Variants in ATP2A2 observed in about 807,000 individuals in gnomAD.
The protein encoded by ATP2A2 is sarcoplasmic/endoplasmic reticulum calcium ATPase 2.
ATP2A2 carries 14 observed loss-of-function variants against 109.3 expected under a neutral mutation model. The ratio of observed to expected loss-of-function variants is 0.13; its 90% CI spans 0.08 to 0.20. ATP2A2 has a LOEUF of 0.20. ATP2A2 is among the 10% of genes least tolerant of loss of function. The probability of loss-of-function intolerance (pLI) is 1.00; values close to 1 mark genes in which losing one functional copy is unlikely to be tolerated. For missense variants in ATP2A2, 657 were observed against 1,321.6 expected (o/e 0.50, Z 7.80); for synonymous variants, 506 against 490.9 (o/e 1.03, Z -0.41).
At chr12:110,291,708 C>T (rs1592795386) in intron 3 of ATP2A2, among the ~76,000 whole-genome samples, 1 of 138,944 alleles carries the variant, frequency 7.2e-6, no homozygotes, top group Non-Finnish European at 1.5e-5. Flanking sequence ...GCATGCAGTA[C>T]ACTCACGGCT....
chr12:110,294,449 C>G (rs888213210), intron 4 of ATP2A2, among the ~76,000 whole-genome samples: 9 of 152,046 alleles, frequency 5.9e-5, no homozygotes, highest in African/African-American at 1.9e-4. Context: ...CAGTTAAGGT[C>G]AGGAGGTCGA....
intron 5 of ATP2A2, among the ~76,000 whole-genome samples, chr12:110,309,445 A>G (rs1376739293): frequency 6.6e-6 from 1 of 152,000 alleles, no homozygotes; most frequent in Admixed American, 6.6e-5. Flanking sequence ...GGTGTGAGCC[A>G]CCATGCCCAG....
At position 110,349,316 on chromosome 12, in the gene ATP2A2, T is replaced by C. The variant is rs925600891; in HGVS notation, c.*2846T>C. ...CTGCCCAGCCCCGCAATGTGCCTGCTGTCAGGCAGCTCTTGCCTGAAACTT... is the reference window on the plus strand; with the variant it reads ...CTGCCCAGCCCCGCAATGTGCCTGCCGTCAGGCAGCTCTTGCCTGAAACTT... On this transcript the variant is annotated 3_prime_UTR_variant, in exon 20 of 20. Transcript: ENST00000539276. 8 of 985,338 alleles carry C rather than the reference T, an allele frequency of 8.1e-6. No homozygotes were observed. In the African/African-American group the frequency reaches 1.2e-4, roughly 15 times the overall value. The allele number at this position is 985,338 out of a possible 1,614,324, so 61.0% of individuals were successfully genotyped here.
intron 3 of ATP2A2, among the ~76,000 whole-genome samples, chr12:110,284,185 C>T (rs1271619201): frequency 6.6e-6 from 1 of 152,040 alleles, no homozygotes; most frequent in Non-Finnish European, 1.5e-5. Context: ...AAAAATTTTC[C>T]CCCAGAAAAT....
intron 3 of ATP2A2, among the ~76,000 whole-genome samples, chr12:110,288,151 A>G (rs1872858233): frequency 8.0e-6 from 1 of 124,742 alleles, no homozygotes; most frequent in Non-Finnish European, 1.6e-5. Flanking sequence ...TCTGTCACCT[A>G]GGCTGGAATG....
At chr12:110,330,478 A>G (rs1175108284) in intron 8 of ATP2A2, 1 of 152,244 alleles carries the variant, frequency 6.6e-6, no homozygotes. Flanking sequence ...TGGTTGTTTC[A>G]GGAAGAGAAA....
At chr12:110,298,330 A>G (rs1187504528) in intron 5 of ATP2A2, among the ~76,000 whole-genome samples, 1 of 152,230 alleles carries the variant, frequency 6.6e-6, no homozygotes, top group African/African-American at 2.4e-5. Flanking sequence ...GTTTGTGTGT[A>G]AATGGTGTGT....
intron 5 of ATP2A2, among the ~76,000 whole-genome samples, chr12:110,300,768 G>A (rs192556142): frequency 6.6e-6 from 1 of 151,708 alleles, no homozygotes; most frequent in African/African-American, 2.4e-5. Context: ...TGTAATTACA[G>A]GTGTGAGCCA....
intron 10 of ATP2A2, 49 bp from the exon 11 acceptor site, chr12:110,333,963 C>G (rs1386604841): frequency 6.2e-7 from 1 of 1,612,140 alleles, no homozygotes. Context: ...ATAAATTTAT[C>G]TGTGTACTTC....
In ATP2A2 at chr12:110,349,141, G is replaced by A; in HGVS notation, c.*2671G>A. 1.0e-6 allele frequency: 1 copy of A among 985,528 alleles called. No individual in the cohort carries two copies. The highest frequency in any genetic ancestry group is 1.2e-6 in the Non-Finnish European group (1 of 830,014). 61.0% of individuals were successfully genotyped at this position (985,528 alleles called of 1,614,324 possible). ...TGGGTTAGGCCCACTGCTGTTTTGA[G>A]CAGGGCCACTTGCTCCATTTCACTG... On this transcript the variant is annotated 3_prime_UTR_variant, in exon 20 of 20. Transcript: ENST00000539276.
At chr12:110,337,174 T>C (rs1219655559) in intron 11 of ATP2A2, among the ~76,000 whole-genome samples, 1 of 152,198 alleles carries the variant, frequency 6.6e-6, no homozygotes, top group Non-Finnish European at 1.5e-5. Flanking sequence ...ACAGCTGTCA[T>C]GCTGCTCATT....
chr12:110,349,828 G>A lies in ATP2A2; in HGVS notation c.*3358G>A, dbSNP rs1880235123. On this transcript the variant is annotated 3_prime_UTR_variant, in exon 20 of 20. Transcript: ENST00000539276. The stretch of plus-strand genomic sequence containing the variant: ...TTCACCCTCCTTTACTGAGGAGAAT[G>A]ATGCGGAGGAGTTTCCTCTCCAGGG... 9.6e-7 allele frequency: 1 copy of A among 1,042,684 alleles called. No individual in the cohort carries two copies. The highest frequency in any genetic ancestry group is 1.7e-5 in the African/African-American group (1 of 59,488). 64.6% of individuals were successfully genotyped at this position (1,042,684 alleles called of 1,614,324 possible). A position where few individuals can be genotyped will look rare whatever the true frequency, so the allele number is the denominator to read the frequency against.
intron 4 of ATP2A2, among the ~76,000 whole-genome samples, chr12:110,293,449 C>T (rs1334826551): frequency 1.4e-5 from 2 of 143,964 alleles, no homozygotes; most frequent in Non-Finnish European, 3.0e-5. Flanking sequence ...GGCTGGAGTG[C>T]AATGGTGCAG....
chr12:110,349,049 C>T lies in ATP2A2; in HGVS notation c.*2579C>T. ...AGTTAGCTTCATGGTTTCTCAGCTT[C>T]AGACCCCTCCAGCCCACAGAGGAGC... On this transcript the variant is annotated 3_prime_UTR_variant, in exon 20 of 20. Transcript: ENST00000539276. 1 of 985,452 alleles carries T rather than the reference C, an allele frequency of 1.0e-6. No individual in the cohort carries two copies. Among genetic ancestry groups the T allele is most frequent in the Non-Finnish European group, 1.2e-6 (1 of 829,972 alleles). 61.0% of individuals were successfully genotyped at this position (985,452 alleles called of 1,614,324 possible).
intron 8 of ATP2A2, chr12:110,332,298 G>C (rs1176152828): frequency 5.0e-6 from 2 of 402,852 alleles, no homozygotes; most frequent in African/African-American, 4.1e-5. Context: ...TGGATTTTGT[G>C]TGGGTTGTTG....
At chr12:110,282,448 A>G (rs565878321) in intron 1 of ATP2A2, among the ~76,000 whole-genome samples, 156 bp from the exon 2 acceptor site, 2 of 152,326 alleles carry the variant, frequency 1.3e-5, no homozygotes, top group East Asian at 3.9e-4. Flanking sequence ...TGCTAAAAAA[A>G]TCGGATATTC....
chr12:110,350,932 T>C lies in ATP2A2; in HGVS notation c.*4462T>C, dbSNP rs1317361645. 6.5e-6 allele frequency: 1 copy of C among 153,640 alleles called. No individual in the cohort carries two copies. Among genetic ancestry groups the C allele is most frequent in the Non-Finnish European group, 1.4e-5 (1 of 68,992 alleles). 9.5% of individuals were successfully genotyped at this position (153,640 alleles called of 1,614,324 possible). On this transcript the variant is annotated 3_prime_UTR_variant, in exon 20 of 20. Transcript: ENST00000539276. Reference sequence around the variant, plus strand: ...TAGACAGATGTTGGTGCAATACAAATATTGTGATGCATTTATCTTAATAAA... The same window carrying C: ...TAGACAGATGTTGGTGCAATACAAACATTGTGATGCATTTATCTTAATAAA...
At chr12:110,345,710 C>T (rs1221329448) in intron 18 of ATP2A2, 25 of 569,956 alleles carry the variant, frequency 4.4e-5, no homozygotes, top group East Asian at 3.1e-4. Flanking sequence ...CAGTTAAGCC[C>T]GTGACAAAAA....
At position 110,350,377 on chromosome 12, in the gene ATP2A2, C is replaced by CT; in HGVS notation, c.*3908dup. ...TGCATGTGCGTTTTTAGCAACACAT[C>CT]TACCAACCCTGTGCATGACTGATGT... On this transcript the variant is annotated 3_prime_UTR_variant, in exon 20 of 20. Coordinates refer to ENST00000539276, the MANE Select transcript of ATP2A2 (RefSeq NM_170665.4). 4 of 1,611,304 alleles carry CT rather than the reference C, an allele frequency of 2.5e-6. No homozygotes were observed. The highest frequency in any genetic ancestry group is 3.4e-6 in the Non-Finnish European group (4 of 1,177,468).
Sources: allele counts gnomAD v4.1 joint callset (sites outside exome capture counted in the v4.1 genomes callset), GRCh38; gene constraint gnomAD v4.1.1; transcripts MANE v1.5; gene names NCBI Gene and HGNC (gene_info 2026-07-23, HGNC 2026-07-21).